Variants in HEATR4 observed in about 807,000 individuals in gnomAD.
The protein encoded by HEATR4 is HEAT repeat containing 4, also known as HEAT repeat-containing protein 4.
A neutral mutation model predicts 108.8 loss-of-function variants in HEATR4; 95 were observed. The observed-to-expected ratio is 0.87, with a 90% CI of 0.74 to 1.04. The LOEUF (loss-of-function observed/expected upper bound fraction) is 1.04, where lower values mean the gene tolerates loss of function less well. Among genes scored for constraint, HEATR4 ranks in the 50% least tolerant of loss-of-function variants. The pLI, the probability that HEATR4 is intolerant of heterozygous loss-of-function variation, is 0.00. For synonymous variants in HEATR4, 443 were observed against 459.4 expected, an observed-to-expected ratio of 0.96 and a Z score of 0.46; for missense variants, 1,152 against 1,253.8, an observed-to-expected ratio of 0.92 and a Z score of 1.23.
In HEATR4 at chr14:73,534,597, G is replaced by T. The variant is rs1490504823; in HGVS notation, c.-151-4353C>A. Among the ~76,000 whole-genome samples the T allele has an allele frequency of 1.6e-4, 18 of 110,104 alleles. 4 individuals carry two copies. Among genetic ancestry groups the T allele is most frequent in the Middle Eastern group, 4.8e-3 (1 of 210 alleles). The allele number at this position is 110,104 out of a possible 152,430, so 72.2% of individuals were successfully genotyped here. A position where few individuals can be genotyped will look rare whatever the true frequency, so the allele number is the denominator to read the frequency against. The stretch of plus-strand genomic sequence containing the variant: ...CCAGGTGCTCGGGAGGCTGAGGTGG[G>T]AGAACTGTCTAAGCCTGGGAGGTTG... On this transcript the variant is annotated intron_variant, in intron 1 of 17. Coordinates refer to ENST00000553558, the MANE Select transcript of HEATR4 (RefSeq NM_001220484.1).
chr14:73,491,000 G>C, intron 17 of HEATR4: 1 of 1,377,908 alleles, frequency 7.3e-7, no homozygotes, highest in Non-Finnish European at 9.5e-7. Flanking sequence ...GGGCGGGGAA[G>C]ACTGGTGTGG....
intron 11 of HEATR4, among the ~76,000 whole-genome samples, chr14:73,502,174 G>A (rs529648839): frequency 7.2e-5 from 11 of 151,728 alleles, no homozygotes; most frequent in South Asian, 4.2e-4. Context: ...GATTACAGGC[G>A]TGTGCCACTG....
At chr14:73,569,283 C>T in the HEATR4 span, 5 of 1,613,818 alleles carry the variant, frequency 3.1e-6, no homozygotes, top group Non-Finnish European at 4.2e-6. Context: ...TTCAGTTGTT[C>T]TCAGGTCTGA....
At chr14:73,617,233 A>G in the HEATR4 span, 1 of 1,613,866 alleles carries the variant, frequency 6.2e-7, no homozygotes, top group Non-Finnish European at 8.5e-7. Context: ...GAGAGGGGAT[A>G]GAGCTGATGC....
the HEATR4 span, among the ~76,000 whole-genome samples, chr14:73,576,857 A>G: frequency 6.8e-6 from 1 of 146,176 alleles, no homozygotes; most frequent in Non-Finnish European, 1.5e-5. Flanking sequence ...ATAGTTCCAC[A>G]ATAAACTTGT....
At chr14:73,593,423 T>C in the HEATR4 span, among the ~76,000 whole-genome samples, 85,487 of 144,452 alleles carry the variant, frequency 0.59, 27,040 homozygotes, top group East Asian at 0.9. Context: ...ACTGCAGCCT[T>C]GACCTCTGGG....
chr14:73,508,142 C>T lies in HEATR4; in HGVS notation c.1873G>A (p.Glu625Lys). Reference protein sequence around the residue: ...QSYILLSYLSEKTTLIHTMLA... With the variant: ...QSYILLSYLSKKTTLIHTMLA... ...CGGTAATGGACACATACTGTCTTCT[C>T]ACTCAGATAGCTCAGGAGGATATAA... Residue 625 changes from glutamate (E) to lysine (K), a missense_variant, in exon 9 of 18, where the codon GAG (glutamate) becomes AAG (lysine). By Grantham distance (56) the Glu-to-Lys change is moderately conservative. Coordinates refer to ENST00000553558, the MANE Select transcript of HEATR4 (RefSeq NM_001220484.1). 1 of 1,614,052 alleles carries T rather than the reference C, an allele frequency of 6.2e-7. No individual in the cohort carries two copies. The highest frequency in any genetic ancestry group is 8.5e-7 in the Non-Finnish European group (1 of 1,179,900).
At chr14:73,615,033 G>A in the HEATR4 span, among the ~76,000 whole-genome samples, 3 of 148,138 alleles carry the variant, frequency 2.0e-5, no homozygotes, top group Non-Finnish European at 3.0e-5. Context: ...AGGTTGCAGT[G>A]AGCCAAGATC....
At position 73,505,015 on chromosome 14, in the gene HEATR4, G is replaced by A. The variant is rs569718807; in HGVS notation, c.1986+1452C>T. ...GGCACGATCTTGGCTCACTGAAACC[G>A]CCGCCTCCCAGGTTTAAGCGATTCT... On this transcript the variant is annotated intron_variant, in intron 10 of 17. Coordinates refer to ENST00000553558, the MANE Select transcript of HEATR4 (RefSeq NM_001220484.1). 1.2e-4 allele frequency among the ~76,000 whole-genome samples: 18 copies of A among 150,616 alleles called. No individual in the cohort carries two copies. The South Asian group carries it at 3.0e-3, about 25-fold the overall frequency.
the HEATR4 span, among the ~76,000 whole-genome samples, chr14:73,628,663 G>A: frequency 2.0e-5 from 3 of 151,932 alleles, no homozygotes; most frequent in African/African-American, 7.3e-5. Flanking sequence ...TGAGGTAGGA[G>A]AATCACTTGA....
chr14:73,563,137 T>C (rs1048793614), upstream of HEATR4, among the ~76,000 whole-genome samples: 1 of 152,012 alleles, frequency 6.6e-6, no homozygotes, highest in Non-Finnish European at 1.5e-5. Flanking sequence ...CCTACCAATA[T>C]GTGATGTCAC....
rs778690072 is a variant in HEATR4 at position 73,496,592 on chromosome 14, C to G, written c.2625+9G>C. 4.5e-6 allele frequency: 7 copies of G among 1,572,314 alleles called. No individual in the cohort carries two copies. The East Asian group carries it at 1.1e-4, about 25-fold the overall frequency. On this transcript the variant is annotated intron_variant, in intron 15 of 17. Transcript: ENST00000553558. ...TTTTCTCTTGAGAACAGAGCTTGCACTTATTTACCCTGTTCTTGATCTCCT... is the reference window on the plus strand; with the variant it reads ...TTTTCTCTTGAGAACAGAGCTTGCAGTTATTTACCCTGTTCTTGATCTCCT...
rs761391001 is a variant in HEATR4 at position 73,506,547 on chromosome 14, C to T, written c.1906G>A (p.Val636Met). Residue 636 changes from valine (V) to methionine (M), a missense_variant, in exon 10 of 18, where the codon GTG (valine) becomes ATG (methionine). Transcript: ENST00000553558. ...KTTLIHTMLAVELNSCQWKNR... is the reference protein window; with the variant it reads ...KTTLIHTMLAMELNSCQWKNR... ...TTCCATTGACAGCTGTTCAGCTCCA[C>T]AGCAAGCATGGTGTGTATCAGGGTC... 1.2e-6 allele frequency: 2 copies of T among 1,613,680 alleles called. No individual in the cohort carries two copies. The highest frequency in any genetic ancestry group is 8.5e-7 in the Non-Finnish European group (1 of 1,179,960).
At chr14:73,502,147 G>A (rs1254976563) in intron 11 of HEATR4, among the ~76,000 whole-genome samples, 1 of 151,248 alleles carries the variant, frequency 6.6e-6, no homozygotes, top group Non-Finnish European at 1.5e-5. Context: ...TCCTGCTTCA[G>A]AGTCTCAAAG....
At chr14:73,511,719 A>G (rs572173460) in intron 7 of HEATR4, among the ~76,000 whole-genome samples, 1 of 152,208 alleles carries the variant, frequency 6.6e-6, no homozygotes, top group Admixed American at 6.5e-5. Context: ...TACCAAAAAC[A>G]AAAACAAAAA....
the HEATR4 span, among the ~76,000 whole-genome samples, chr14:73,614,336 G>A: frequency 1.3e-5 from 2 of 152,206 alleles, no homozygotes; most frequent in South Asian, 2.1e-4. Flanking sequence ...GCCTTAACTC[G>A]TGGCTGCCCA....
the HEATR4 span, among the ~76,000 whole-genome samples, chr14:73,572,561 G>A: frequency 6.7e-6 from 1 of 150,086 alleles, no homozygotes; most frequent in African/African-American, 2.4e-5. Context: ...AAAGGGCACA[G>A]GGGTCTGTGG....
At chr14:73,609,678 T>G in the HEATR4 span, among the ~76,000 whole-genome samples, 1 of 152,174 alleles carries the variant, frequency 6.6e-6, no homozygotes, top group Non-Finnish European at 1.5e-5. Flanking sequence ...TCTCGCTCTG[T>G]TACCCAGGCT....
At chr14:73,524,767 G>A (rs1362926862) in intron 2 of HEATR4, among the ~76,000 whole-genome samples, 1 of 151,528 alleles carries the variant, frequency 6.6e-6, no homozygotes, top group Non-Finnish European at 1.5e-5. Flanking sequence ...GCCTCTCCAA[G>A]GAACAGGTAG....
Sources: allele counts gnomAD v4.1 joint callset (sites outside exome capture counted in the v4.1 genomes callset), GRCh38; gene constraint gnomAD v4.1.1; transcripts MANE v1.5; gene names NCBI Gene and HGNC (gene_info 2026-07-23, HGNC 2026-07-21).